The following MYO5B variants were observed in gnomAD, a reference collection of about 807,000 sequenced individuals.
MYO5B encodes unconventional myosin-Vb.
In MYO5B, 143 loss-of-function variants were observed where a neutral mutation model predicts 229.3. The ratio of observed to expected loss-of-function variants is 0.62; its 90% CI spans 0.54 to 0.72. The LOEUF is 0.72. MYO5B is among the 30% of genes least tolerant of loss of function. The pLI, the probability that MYO5B is intolerant of heterozygous loss-of-function variation, is 0.00. For missense variants in MYO5B, 2,321 were observed against 2,331.0 expected, an observed-to-expected ratio of 1.00 and a Z score of 0.09; for synonymous variants, 918 against 885.2, an observed-to-expected ratio of 1.04 and a Z score of -0.66.
At chr18:49,946,904 C>T (rs1002979940) in intron 14 of MYO5B, among the ~76,000 whole-genome samples, 5 of 152,058 alleles carry the variant, frequency 3.3e-5, no homozygotes, top group Admixed American at 3.3e-4. Context: ...AGTTTGATGA[C>T]AGGACTGAAA....
At chr18:49,879,999 A>G (rs2024568964) in intron 23 of MYO5B, among the ~76,000 whole-genome samples, 1 of 152,244 alleles carries the variant, frequency 6.6e-6, no homozygotes, top group African/African-American at 2.4e-5. Flanking sequence ...CTTCACGTGC[A>G]GCCTCTTCCT....
chr18:50,055,836 C>G (rs1338822064), intron 1 of MYO5B, among the ~76,000 whole-genome samples: 2 of 152,216 alleles, frequency 1.3e-5, no homozygotes, highest in African/African-American at 4.8e-5. Context: ...AGTCATTTTC[C>G]TGCAGAAGTG....
In MYO5B at chr18:49,878,967, C is replaced by T. The variant is rs757769301; in HGVS notation, c.3254G>A (p.Arg1085Gln). The change falls in exon 24 of 40, where the codon CGG becomes CAG. Residue 1085 changes from arginine to glutamine, a missense_variant. Arg to Gln is a conservative substitution (Grantham distance 43). Around this residue, in one of 2 missense-constraint regions of MYO5B, gnomAD observed 2,113 missense variants for 2,044.7 expected, o/e 1.03. Coordinates refer to ENST00000285039, the MANE Select transcript of MYO5B (RefSeq NM_001080467.3). Reference sequence around the variant, plus strand: ...TGCCTTTATGATGGTCATTTCATCCCGAAGGTTGTCGTATCTCTGCTCCAA... The same window carrying T: ...TGCCTTTATGATGGTCATTTCATCCTGAAGGTTGTCGTATCTCTGCTCCAA... ...SQLEQRYDNL[R>Q]DEMTIIKQTP... The T allele has an allele frequency of 7.4e-6, 12 of 1,614,014 alleles. No individual in the cohort carries two copies. The highest frequency in any genetic ancestry group is 4.5e-5 in the East Asian group (2 of 44,888).
chr18:49,878,965 C>G lies in MYO5B; in HGVS notation c.3256G>C (p.Asp1086His). The G allele has an allele frequency of 6.2e-7, 1 of 1,614,146 alleles. No homozygotes were observed. The highest frequency in any genetic ancestry group is 8.5e-7 in the Non-Finnish European group (1 of 1,180,014). Residue 1086 changes from aspartate (D) to histidine (H), a missense_variant, in exon 24 of 40, where the codon GAT becomes CAT. Physicochemically the swap from Asp to His is moderately conservative, Grantham distance 81 (BLOSUM62 -1). Transcript: ENST00000285039. ...QLEQRYDNLR[D>H]EMTIIKQTPG... Reference sequence around the variant, plus strand: ...CTTGCCTTTATGATGGTCATTTCATCCCGAAGGTTGTCGTATCTCTGCTCC... The same window carrying G: ...CTTGCCTTTATGATGGTCATTTCATGCCGAAGGTTGTCGTATCTCTGCTCC...
At chr18:50,182,139 G>A (rs761568682) in intron 1 of MYO5B, among the ~76,000 whole-genome samples, 6 of 152,168 alleles carry the variant, frequency 3.9e-5, no homozygotes, top group Non-Finnish European at 7.3e-5. Context: ...TGTTGCCTGC[G>A]TGATGAATAC....
chr18:49,931,892 C>T (rs1396864776), intron 16 of MYO5B, among the ~76,000 whole-genome samples: 1 of 152,188 alleles, frequency 6.6e-6, no homozygotes, highest in Non-Finnish European at 1.5e-5. Flanking sequence ...TCTGCCCCTG[C>T]CCACAGCAGC....
intron 12 of MYO5B, among the ~76,000 whole-genome samples, chr18:49,956,155 C>T (rs982865063): frequency 1.3e-5 from 2 of 152,198 alleles, no homozygotes; most frequent in Non-Finnish European, 2.9e-5. Context: ...CACCCCACCT[C>T]CAACCAAAAA....
At position 50,135,913 on chromosome 18, in the gene MYO5B, G is replaced by A. The variant is rs540040267; in HGVS notation, c.27+58854C>T. 2.2e-4 allele frequency among the ~76,000 whole-genome samples: 34 copies of A among 152,296 alleles called. 1 individual carries two copies. In the South Asian group the frequency reaches 7.1e-3, roughly 32 times the overall value. On this transcript the variant is annotated intron_variant, in intron 1 of 39. Coordinates refer to ENST00000285039, the MANE Select transcript of MYO5B (RefSeq NM_001080467.3). ...TTTACAGTATGTCAATTTACAATGCGCTTTTCATGTCCTCTCTTTTCATCC... is the reference window on the plus strand; with the variant it reads ...TTTACAGTATGTCAATTTACAATGCACTTTTCATGTCCTCTCTTTTCATCC...
chr18:50,079,859 G>GC (rs1226412042), intron 1 of MYO5B, among the ~76,000 whole-genome samples: 1 of 152,198 alleles, frequency 6.6e-6, no homozygotes, highest in East Asian at 1.9e-4. Context: ...AATTCTGCCA[G>GC]CGTAGTCTAT....
At chr18:50,000,846 T>A (rs1353721467) in intron 5 of MYO5B, among the ~76,000 whole-genome samples, 2 of 152,212 alleles carry the variant, frequency 1.3e-5, no homozygotes, top group African/African-American at 4.8e-5. Context: ...AAAAATATTC[T>A]ATCTAGGCTT....
At chr18:50,181,167 G>A (rs1022736776) in intron 1 of MYO5B, among the ~76,000 whole-genome samples, 1 of 152,170 alleles carries the variant, frequency 6.6e-6, no homozygotes, top group African/African-American at 2.4e-5. Context: ...TCATAAAATT[G>A]AAGTAATTAT....
chr18:49,839,407 G>GCC, intron 35 of MYO5B, 113 bp from the exon 36 acceptor site: 5 of 1,175,898 alleles, frequency 4.3e-6, no homozygotes, highest in Non-Finnish European at 6.3e-6. Flanking sequence ...GCCTACTCAG[G>GCC]CCCTCCCTAT....
Position 49,888,515 on chromosome 18 carries a change from G to A in MYO5B, c.3045+6426C>T, listed in dbSNP as rs1170972442. Among the ~76,000 whole-genome samples, 9 of 152,306 alleles carry A rather than the reference G, an allele frequency of 5.9e-5. No individual in the cohort carries two copies. In the South Asian group the frequency reaches 1.7e-3, roughly 28 times the overall value. On this transcript the variant is annotated intron_variant, in intron 22 of 39. Coordinates refer to ENST00000285039, the MANE Select transcript of MYO5B (RefSeq NM_001080467.3). The stretch of plus-strand genomic sequence containing the variant: ...GTGCCTAAAGGTCTGGGAGGAGGAA[G>A]GGCACGGGTTTGGGAATGTGAAGAG...
chr18:49,957,356 G>T (rs1044233793), intron 12 of MYO5B, among the ~76,000 whole-genome samples: 1 of 152,080 alleles, frequency 6.6e-6, no homozygotes, highest in Non-Finnish European at 1.5e-5. Flanking sequence ...AGGACCCCAA[G>T]GCCAACCAGG....
chr18:50,140,930 G>A (rs1008603610), intron 1 of MYO5B, among the ~76,000 whole-genome samples: 4 of 152,214 alleles, frequency 2.6e-5, no homozygotes, highest in African/African-American at 4.8e-5. Context: ...AGCATGAAAC[G>A]TGTTACTTTC....
Position 49,837,585 on chromosome 18 carries a change from G to A in MYO5B, c.5070C>T (p.Asn1690=), listed in dbSNP as rs199837997. The change falls in exon 37 of 40, where the codon AAC becomes AAT. Residue 1690 remains asparagine, a synonymous_variant. Transcript: ENST00000285039. ...AGAGCAGGTTGTTAAGAGTCACTGC[G>A]TTGATCATGTAGAAGAGCTGTTTGA... ...QVFKQLFYMI[N]AVTLNNLLLR... The A allele has an allele frequency of 5.2e-5, 84 of 1,613,972 alleles. No homozygotes were observed. In the Admixed American group the frequency reaches 6.7e-4, roughly 13 times the overall value.
At chr18:49,991,408 T>C (rs2025930860) in intron 6 of MYO5B, among the ~76,000 whole-genome samples, 1 of 152,136 alleles carries the variant, frequency 6.6e-6, no homozygotes. Context: ...AACCAGGACC[T>C]GAACCATCAT....
chr18:50,004,630 G>A (rs1464097362), intron 4 of MYO5B, among the ~76,000 whole-genome samples: 1 of 152,134 alleles, frequency 6.6e-6, no homozygotes, highest in Admixed American at 6.5e-5. Context: ...CTAGGGTAGG[G>A]CTGGGCATGT....
At chr18:49,852,378 C>T (rs931493157) in intron 31 of MYO5B, among the ~76,000 whole-genome samples, 1 of 152,112 alleles carries the variant, frequency 6.6e-6, no homozygotes, top group Non-Finnish European at 1.5e-5. Flanking sequence ...CATAAAGCCA[C>T]CAGGTAACAC....
Sources: gnomAD v4.1 joint callset for allele counts (sites outside exome capture counted in the v4.1 genomes callset) on GRCh38, gnomAD v4.1.1 for gene constraint, gnomAD v4.1.1 regional missense constraint, MANE v1.5 for transcripts, NCBI Gene and HGNC (gene_info 2026-07-23, HGNC 2026-07-21) for gene names.